The following GRM7 variants were observed in gnomAD, a reference collection of about 807,000 sequenced individuals.
GRM7 encodes the protein metabotropic glutamate receptor 7.
A neutral mutation model predicts 84.5 loss-of-function variants in GRM7; 35 were observed. The ratio of observed to expected loss-of-function variants is 0.41; its 90% CI spans 0.32 to 0.55. GRM7 has a LOEUF of 0.55. Ranked by LOEUF, GRM7 falls within the 20% of genes least tolerant of loss-of-function variation. GRM7 has a pLI of 0.19. For missense variants in GRM7, 1,003 were observed against 1,194.6 expected (o/e 0.84, Z 2.36); for synonymous variants, 487 against 455.1 (o/e 1.07, Z -0.89).
chr3:7,502,571 C>CGT lies in GRM7; in HGVS notation c.1515+40860_1515+40861dup, dbSNP rs560378193. Among the ~76,000 whole-genome samples the CGT allele has an allele frequency of 2.0e-4, 30 of 151,962 alleles. No homozygotes were observed. The East Asian group carries it at 3.1e-3, about 16-fold the overall frequency. ...AAAAATCTGGGCAAATGTTAATTCT[C>CGT]GTGTGTGTGTGTATGTGTGTGTGTG... On this transcript the variant is annotated intron_variant, in intron 7 of 9. Transcript: ENST00000357716.
chr3:7,623,925 T>C (rs1416293954), intron 8 of GRM7, among the ~76,000 whole-genome samples: 1 of 152,134 alleles, frequency 6.6e-6, no homozygotes, highest in Non-Finnish European at 1.5e-5. Context: ...GGTGGGTATG[T>C]GCAGCTCCAG....
chr3:7,432,788 CAA>C lies in GRM7; in HGVS notation c.1174+17627_1174+17628del, dbSNP rs754833411. ...TGGGTTAAAAAAGATTAGACACAGTCAAAGAGAGAATGCTTGAACTGGAACAT... is the reference window on the plus strand; with the variant it reads ...TGGGTTAAAAAAGATTAGACACAGTCAGAGAGAATGCTTGAACTGGAACAT... On this transcript the variant is annotated intron_variant, in intron 5 of 9. Coordinates refer to ENST00000357716, the MANE Select transcript of GRM7 (RefSeq NM_000844.4). Among the ~76,000 whole-genome samples, 52 of 152,046 alleles carry C rather than the reference CAA, an allele frequency of 3.4e-4. 2 individuals are homozygous for C. In the East Asian group the frequency reaches 8.3e-3, roughly 24 times the overall value.
At chr3:7,056,642 C>G (rs11927274) in intron 1 of GRM7, among the ~76,000 whole-genome samples, 20,752 of 151,938 alleles carry the variant, frequency 0.14, 2,143 homozygotes, top group African/African-American at 0.3. Flanking sequence ...GATAACTACT[C>G]ATTTCTCTGA....
intron 5 of GRM7, among the ~76,000 whole-genome samples, chr3:7,418,050 TG>T (rs1696245536): frequency 6.6e-6 from 1 of 152,162 alleles, no homozygotes; most frequent in Non-Finnish European, 1.5e-5. Flanking sequence ...TAATTTTACT[TG>T]GGGCTAGATG....
chr3:7,579,440 G>T lies in GRM7; in HGVS notation c.2451+83G>T, dbSNP rs942177972. The T allele has an allele frequency of 1.7e-5, 14 of 800,446 alleles. No homozygotes were observed. The South Asian group carries it at 2.8e-4, about 16-fold the overall frequency. 49.6% of individuals were successfully genotyped at this position (800,446 alleles called of 1,614,324 possible). On this transcript the variant is annotated intron_variant, in intron 8 of 9. Coordinates refer to ENST00000357716, the MANE Select transcript of GRM7 (RefSeq NM_000844.4). ...ACTGAAACCAAATTGATTGTATAAA[G>T]TAAGAAGTTTCGTATATGCAGAATG...
intron 7 of GRM7, among the ~76,000 whole-genome samples, chr3:7,475,636 G>C (rs1382591867): frequency 6.6e-6 from 1 of 152,158 alleles, no homozygotes; most frequent in Non-Finnish European, 1.5e-5. Context: ...ACCACTTGAG[G>C]TGATTGTCTA....
At chr3:7,043,132 A>T (rs1279453973) in intron 1 of GRM7, among the ~76,000 whole-genome samples, 1 of 152,088 alleles carries the variant, frequency 6.6e-6, no homozygotes, top group Non-Finnish European at 1.5e-5. Context: ...GCTTTGTGAG[A>T]CCTGCTGTTG....
intron 9 of GRM7, chr3:7,681,974 T>C (rs78326986): frequency 6.6e-6 from 1 of 152,152 alleles, no homozygotes; most frequent in Admixed American, 6.5e-5. Flanking sequence ...TATTAAGATA[T>C]AGTAGCTAAA....
intron 2 of GRM7, among the ~76,000 whole-genome samples, chr3:7,196,214 A>G (rs575865745): frequency 2.0e-5 from 3 of 152,272 alleles, no homozygotes; most frequent in African/African-American, 4.8e-5. Context: ...TTTGCTCCAG[A>G]GAAGAGTTTT....
chr3:6,923,160 G>A (rs577379541), intron 1 of GRM7, among the ~76,000 whole-genome samples: 1 of 152,064 alleles, frequency 6.6e-6, no homozygotes, highest in East Asian at 1.9e-4. Context: ...GACTACTGGT[G>A]TGTGTCATCA....
intron 1 of GRM7, among the ~76,000 whole-genome samples, chr3:6,944,657 C>T (rs549438145): frequency 1.3e-5 from 2 of 152,100 alleles, no homozygotes; most frequent in East Asian, 3.9e-4. Flanking sequence ...GCATTTTTCC[C>T]CGTACTTTTG....
At chr3:6,872,252 G>A (rs1398153207) in intron 1 of GRM7, among the ~76,000 whole-genome samples, 1 of 152,100 alleles carries the variant, frequency 6.6e-6, no homozygotes. Context: ...CTGTTTCATT[G>A]AGAAGATTAT....
At chr3:7,304,542 A>G (rs1279721950) in intron 3 of GRM7, among the ~76,000 whole-genome samples, 3 of 151,326 alleles carry the variant, frequency 2.0e-5, no homozygotes, top group East Asian at 3.9e-4. Flanking sequence ...TTAAAGATTT[A>G]CTCTATTTTC....
intron 2 of GRM7, among the ~76,000 whole-genome samples, chr3:7,150,526 G>A (rs1188209465): frequency 1.3e-5 from 2 of 152,102 alleles, no homozygotes; most frequent in Middle Eastern, 3.2e-3. Flanking sequence ...AGTAGAGTCC[G>A]GCAGATTTAA....
At chr3:6,877,245 G>A (rs1695342304) in intron 1 of GRM7, among the ~76,000 whole-genome samples, 1 of 152,116 alleles carries the variant, frequency 6.6e-6, no homozygotes, top group Non-Finnish European at 1.5e-5. Flanking sequence ...GCTATACGGA[G>A]GGGTTTGATG....
At chr3:7,111,031 A>T (rs1339841035) in intron 1 of GRM7, among the ~76,000 whole-genome samples, 1 of 152,034 alleles carries the variant, frequency 6.6e-6, no homozygotes, top group Non-Finnish European at 1.5e-5. Flanking sequence ...CTGTGTTTCA[A>T]GTCATTAAAA....
intron 6 of GRM7, among the ~76,000 whole-genome samples, chr3:7,453,705 T>A (rs1697876463): frequency 6.6e-6 from 1 of 152,014 alleles, no homozygotes; most frequent in Admixed American, 6.6e-5. Context: ...CTGAACCTTG[T>A]CCTCTTGGGC....
At chr3:7,328,025 C>G (rs1223494418) in intron 4 of GRM7, among the ~76,000 whole-genome samples, 1 of 152,148 alleles carries the variant, frequency 6.6e-6, no homozygotes, top group Non-Finnish European at 1.5e-5. Flanking sequence ...TTCCAAGTTC[C>G]AAAGCCAGAA....
chr3:7,031,196 C>G (rs1181889664), intron 1 of GRM7, among the ~76,000 whole-genome samples: 1 of 151,944 alleles, frequency 6.6e-6, no homozygotes, highest in Non-Finnish European at 1.5e-5. Context: ...GCATTTCTCT[C>G]CTTGTTTTAT....
Sources: allele counts gnomAD v4.1 joint callset (sites outside exome capture counted in the v4.1 genomes callset), GRCh38; gene constraint gnomAD v4.1.1; transcripts MANE v1.5; gene names NCBI Gene and HGNC (gene_info 2026-07-23, HGNC 2026-07-21).